LOXHD1: variants seen among roughly 807,000 people sequenced by gnomAD.
The protein encoded by LOXHD1 is lipoxygenase homology domain-containing protein 1.
In LOXHD1, 205 loss-of-function variants were observed where a neutral mutation model predicts 248.2. The ratio of observed to expected loss-of-function variants is 0.83; its 90% CI spans 0.74 to 0.93. The LOEUF (loss-of-function observed/expected upper bound fraction) is 0.93. Among genes scored for constraint, LOXHD1 ranks in the 40% least tolerant of loss-of-function variants. The pLI is 0.00. For missense variants in LOXHD1, 2,930 were observed against 2,971.6 expected, an observed-to-expected ratio of 0.99 and a Z score of 0.33; for synonymous variants, 1,113 against 1,162.8, an observed-to-expected ratio of 0.96 and a Z score of 0.87.
In LOXHD1 at chr18:46,620,715, C is replaced by T. The variant is rs556201282; in HGVS notation, c.512-2425G>A. Among the ~76,000 whole-genome samples the T allele has an allele frequency of 8.5e-5, 13 of 152,194 alleles. No homozygotes were observed. The South Asian group carries it at 2.7e-3, about 32-fold the overall frequency. On this transcript the variant is annotated intron_variant, in intron 4 of 40. Transcript: ENST00000642948. ...TGCCAGGGATGCTGCACAGAAAGTG[C>T]CATAGGTGAGAGGATGTGGAAACGC...
chr18:46,641,574 A>G (rs544437453), intron 3 of LOXHD1, among the ~76,000 whole-genome samples: 2 of 152,312 alleles, frequency 1.3e-5, no homozygotes, highest in South Asian at 2.1e-4. Context: ...CCGATGAGGC[A>G]CCATTTTTAC....
rs527732671 is a variant in LOXHD1, at chr18:46,513,725, C to T, written c.5400-3910G>A. Among the ~76,000 whole-genome samples, 184 of 152,260 alleles carry T rather than the reference C, an allele frequency of 1.2e-3. 1 individual carries two copies. The highest frequency in any genetic ancestry group is 6.8e-3 in the Middle Eastern group (2 of 294). Reference sequence around the variant, plus strand: ...ATTCTGATTTCAGGTTTCTGGCCTCCGGAAAAATGAGAGAAGAAAATTCTG... The same window carrying T: ...ATTCTGATTTCAGGTTTCTGGCCTCTGGAAAAATGAGAGAAGAAAATTCTG... On this transcript the variant is annotated intron_variant, in intron 34 of 40. Coordinates refer to ENST00000642948, the MANE Select transcript of LOXHD1 (RefSeq NM_001384474.1).
At chr18:46,556,054 G>A (rs887547929) in intron 21 of LOXHD1, among the ~76,000 whole-genome samples, 1 of 150,666 alleles carries the variant, frequency 6.6e-6, no homozygotes, top group Non-Finnish European at 1.5e-5. Flanking sequence ...TTTTTGACAT[G>A]TGAAAATTAT....
At chr18:46,483,893 G>C (rs1031483196) in intron 39 of LOXHD1, 148 bp from the exon 40 acceptor site, 1 of 910,192 alleles carries the variant, frequency 1.1e-6, no homozygotes, top group Non-Finnish European at 1.6e-6. Context: ...TGGAGGCTTT[G>C]AGGGGTTCAG....
intron 8 of LOXHD1, among the ~76,000 whole-genome samples, chr18:46,599,535 A>G (rs1332523268): frequency 6.6e-6 from 1 of 152,208 alleles, no homozygotes; most frequent in East Asian, 1.9e-4. Flanking sequence ...TAGCTCTGAG[A>G]TAAGTGGATT....
rs1334806093 is a variant in LOXHD1, at chr18:46,639,653, G to A, written c.474C>T (p.Asp158=). The change falls in exon 4 of 41, where the codon GAC becomes GAT. Residue 158 remains aspartate, a synonymous_variant. Coordinates refer to ENST00000642948, the MANE Select transcript of LOXHD1 (RefSeq NM_001384474.1). ...CCATGGGGTTGAAGCTGGCCAGCAG[G>A]TCACGGCACCACTGGCGGTCACCTT... ...KVEGDRQWCR[D]LLASFNPMDM... 6.4e-7 allele frequency: 1 copy of A among 1,551,754 alleles called. No individual in the cohort carries two copies. The highest frequency in any genetic ancestry group is 1.2e-5 in the South Asian group (1 of 84,064).
At chr18:46,495,333 G>A (rs1162447561) in intron 37 of LOXHD1, among the ~76,000 whole-genome samples, 1 of 152,110 alleles carries the variant, frequency 6.6e-6, no homozygotes, top group Non-Finnish European at 1.5e-5. Context: ...CATTTGTCTT[G>A]ATTTTCCTCT....
chr18:46,557,954 C>A, intron 20 of LOXHD1: 2 of 1,034,980 alleles, frequency 1.9e-6, no homozygotes, highest in Non-Finnish European at 2.3e-6. Context: ...AAACTGAAGA[C>A]GGATTTGCCC....
chr18:46,481,792 C>A (rs2032594057), intron 40 of LOXHD1, among the ~76,000 whole-genome samples: 1 of 152,164 alleles, frequency 6.6e-6, no homozygotes. Context: ...ACAACTGAGG[C>A]CCAGGACTGT....
chr18:46,649,458 C>T (rs1203139599), intron 1 of LOXHD1, among the ~76,000 whole-genome samples, 189 bp from the exon 2 acceptor site: 2 of 152,220 alleles, frequency 1.3e-5, no homozygotes, highest in Non-Finnish European at 2.9e-5. Flanking sequence ...CAAAACTTCA[C>T]ATTTAAACCA....
At chr18:46,620,483 C>T (rs962586697) in intron 4 of LOXHD1, among the ~76,000 whole-genome samples, 2 of 152,144 alleles carry the variant, frequency 1.3e-5, no homozygotes, top group East Asian at 1.9e-4. Context: ...TTGAAGGAGT[C>T]GCCAATATTC....
At chr18:46,521,375 G>T in intron 32 of LOXHD1, 93 bp from the exon 33 acceptor site, 1 of 1,410,122 alleles carries the variant, frequency 7.1e-7, no homozygotes, top group Non-Finnish European at 9.7e-7. Flanking sequence ...CTTCTTCCCA[G>T]TATGCTGTGC....
chr18:46,649,418 T>G, intron 1 of LOXHD1, 149 bp from the exon 2 acceptor site: 1 of 641,776 alleles, frequency 1.6e-6, no homozygotes, highest in Non-Finnish European at 2.7e-6. Context: ...TGAGCCATGG[T>G]GAGACCCACG....
At chr18:46,652,659 C>G (rs1349557235) in intron 1 of LOXHD1, among the ~76,000 whole-genome samples, 1 of 152,204 alleles carries the variant, frequency 6.6e-6, no homozygotes, top group African/African-American at 2.4e-5. Flanking sequence ...CCCAGCAATT[C>G]CACTTCCAAT....
intron 9 of LOXHD1, 136 bp downstream of exon 9, chr18:46,594,195 C>A: frequency 1.7e-6 from 2 of 1,197,114 alleles, no homozygotes; most frequent in Admixed American, 2.4e-5. Context: ...GTTGGGGGAG[C>A]TTTTTCCTTC....
intron 37 of LOXHD1, among the ~76,000 whole-genome samples, chr18:46,491,494 T>A (rs529184669): frequency 6.6e-6 from 1 of 152,318 alleles, no homozygotes; most frequent in Admixed American, 6.5e-5. Context: ...ATTCAATGTA[T>A]CAGGACCAGA....
In LOXHD1 at chr18:46,566,246, C is replaced by T. The variant is rs1363014741; in HGVS notation, c.2437+11G>A. The T allele has an allele frequency of 6.5e-7, 1 of 1,540,898 alleles. No homozygotes were observed. The highest frequency in any genetic ancestry group is 2.0e-5 in the Admixed American group (1 of 50,802). On this transcript the variant is annotated intron_variant, in intron 17 of 40. Coordinates refer to ENST00000642948, the MANE Select transcript of LOXHD1 (RefSeq NM_001384474.1). ...AAACAATGGGTGGTCCCACCACAGC[C>T]TCCTCCATACATTTCTGGATCTCCA...
rs762766470 is a variant in LOXHD1, at chr18:46,485,033, C to G, written c.6168G>C (p.Gln2056His). The G allele has an allele frequency of 1.8e-5, 28 of 1,550,990 alleles. No homozygotes were observed. The highest frequency in any genetic ancestry group is 2.2e-5 in the Non-Finnish European group (25 of 1,146,662). ...KEFLMENSSR[Q>H]RAFRKGTTDT... ...CCCCTTCCTACTTCCTAAAGGCCCG[C>G]TGCCTAGAAGAATTTTCCATGAGAA... The change falls in exon 39 of 41, where the codon CAG becomes CAC. Residue 2056 changes from glutamine to histidine, a missense_variant. Gln to His is a conservative substitution (Grantham distance 24). Coordinates refer to ENST00000642948, the MANE Select transcript of LOXHD1 (RefSeq NM_001384474.1).
intron 36 of LOXHD1, among the ~76,000 whole-genome samples, chr18:46,506,735 C>A (rs909056339): frequency 1.3e-5 from 2 of 152,208 alleles, no homozygotes; most frequent in African/African-American, 2.4e-5. Flanking sequence ...GCCTGAGATC[C>A]TACTATGAGA....
Sources: gnomAD v4.1 joint callset for allele counts (sites outside exome capture counted in the v4.1 genomes callset) on GRCh38, gnomAD v4.1.1 for gene constraint, MANE v1.5 for transcripts, NCBI Gene and HGNC (gene_info 2026-07-23, HGNC 2026-07-21) for gene names.